The following HPSE2 variants were observed in gnomAD, a reference collection of about 807,000 sequenced individuals.
HPSE2 encodes inactive heparanase-2.
In HPSE2, 38 loss-of-function variants were observed where a neutral mutation model predicts 60.5. That is an observed-to-expected ratio of 0.63 (90% CI 0.48 to 0.82). The LOEUF (loss-of-function observed/expected upper bound fraction) is 0.82, where lower values mean the gene tolerates loss of function less well. Ranked by LOEUF, HPSE2 falls within the 40% of genes least tolerant of loss-of-function variation. The pLI, the probability that HPSE2 is intolerant of heterozygous loss-of-function variation, is 0.00. For synonymous variants in HPSE2, 295 were observed against 293.2 expected, an observed-to-expected ratio of 1.01 and a Z score of -0.06; for missense variants, 713 against 740.4, an observed-to-expected ratio of 0.96 and a Z score of 0.43.
intron 3 of HPSE2, among the ~76,000 whole-genome samples, chr10:98,954,626 A>C (rs376071266): frequency 9.9e-5 from 15 of 152,254 alleles, no homozygotes; most frequent in African/African-American, 3.4e-4. Flanking sequence ...AAGAGATGGC[A>C]AGTTGAACAC....
At chr10:98,906,057 T>C (rs541452230) in intron 3 of HPSE2, among the ~76,000 whole-genome samples, 4 of 152,284 alleles carry the variant, frequency 2.6e-5, no homozygotes, top group African/African-American at 4.8e-5. Flanking sequence ...CATCCAATGA[T>C]TGGTCAATGT....
intron 3 of HPSE2, among the ~76,000 whole-genome samples, chr10:99,133,137 C>T (rs1394736180): frequency 6.6e-6 from 1 of 152,218 alleles, no homozygotes; most frequent in African/African-American, 2.4e-5. Flanking sequence ...AAAGTTCAAA[C>T]TGGGCGGAGC....
chr10:98,564,619 C>T (rs535927), intron 9 of HPSE2, among the ~76,000 whole-genome samples: 129,349 of 152,208 alleles, frequency 0.85, 56,225 homozygotes, highest in East Asian at 1. Flanking sequence ...TTTGGCAAAT[C>T]GAGTAGTTAA....
At chr10:98,644,682 A>T (rs553955227) in intron 6 of HPSE2, among the ~76,000 whole-genome samples, 5 of 152,310 alleles carry the variant, frequency 3.3e-5, no homozygotes, top group Non-Finnish European at 7.4e-5. Context: ...ATTGACGAAA[A>T]GCTCTTCTGA....
chr10:99,199,989 G>A (rs1162329455), intron 2 of HPSE2, among the ~76,000 whole-genome samples: 2 of 152,046 alleles, frequency 1.3e-5, no homozygotes, highest in African/African-American at 4.8e-5. Context: ...CAGCATAGTA[G>A]TCTTTCACCT....
rs944887310 is a variant in HPSE2, at chr10:99,173,146, A to C, written c.449-28747T>G. Among the ~76,000 whole-genome samples the C allele has an allele frequency of 1.1e-4, 17 of 152,110 alleles. 1 individual carries two copies. The highest frequency in any genetic ancestry group is 2.5e-4 in the Non-Finnish European group (17 of 68,014). ...AATTTGTAAGTGCCCTTGTGGTTTGAGCTTTATACTGCAGGTTCTGGAGAG... is the reference window on the plus strand; with the variant it reads ...AATTTGTAAGTGCCCTTGTGGTTTGCGCTTTATACTGCAGGTTCTGGAGAG... On this transcript the variant is annotated intron_variant, in intron 2 of 11. Transcript: ENST00000370552.
At chr10:99,013,892 T>C (rs944366323) in intron 3 of HPSE2, 4 of 409,142 alleles carry the variant, frequency 9.8e-6, no homozygotes, top group Middle Eastern at 4.9e-4. Context: ...AGCCCAATAA[T>C]GATACTTTTG....
chr10:98,499,279 A>G (rs1452735531), intron 9 of HPSE2, among the ~76,000 whole-genome samples: 4 of 152,130 alleles, frequency 2.6e-5, no homozygotes, highest in South Asian at 2.1e-4. Context: ...ATAAAAGAAA[A>G]CCTGTCAGAT....
intron 9 of HPSE2, among the ~76,000 whole-genome samples, chr10:98,612,008 G>C (rs966942646): frequency 4.6e-5 from 7 of 152,164 alleles, no homozygotes; most frequent in Admixed American, 1.3e-4. Flanking sequence ...ATTTGAGGAG[G>C]ACAAAGCCAT....
chr10:98,741,976 C>T (rs1949508702), intron 4 of HPSE2, among the ~76,000 whole-genome samples: 1 of 151,896 alleles, frequency 6.6e-6, no homozygotes, highest in South Asian at 2.1e-4. Context: ...ACATAAAATA[C>T]CAAAAAATGT....
At chr10:98,589,866 C>T (rs1945040586) in intron 9 of HPSE2, among the ~76,000 whole-genome samples, 1 of 152,222 alleles carries the variant, frequency 6.6e-6, no homozygotes, top group Admixed American at 6.5e-5. Flanking sequence ...GAATCCTCAT[C>T]TTTGACTCAA....
intron 3 of HPSE2, among the ~76,000 whole-genome samples, chr10:98,906,531 A>T (rs1166508375): frequency 6.6e-6 from 1 of 152,206 alleles, no homozygotes; most frequent in East Asian, 1.9e-4. Context: ...TTTAGAGACA[A>T]ATGATAGGGT....
At position 99,169,086 on chromosome 10, in the gene HPSE2, G is replaced by C. The variant is rs553510718; in HGVS notation, c.449-24687C>G. ...TGGGCGCCTGTAGTCCCAGCTACTC[G>C]GGAGGCTGAGGTGGGAGAATGGCGT... On this transcript the variant is annotated intron_variant, in intron 2 of 11. Transcript: ENST00000370552. Among the ~76,000 whole-genome samples, 7 of 149,894 alleles carry C rather than the reference G, an allele frequency of 4.7e-5. No homozygotes were observed. The South Asian group carries it at 1.5e-3, about 32-fold the overall frequency.
At chr10:98,569,432 CTT>C (rs1408172201) in intron 9 of HPSE2, among the ~76,000 whole-genome samples, 1 of 152,100 alleles carries the variant, frequency 6.6e-6, no homozygotes, top group Non-Finnish European at 1.5e-5. Flanking sequence ...GTAAAATAAA[CTT>C]AATGATACAT....
intron 2 of HPSE2, among the ~76,000 whole-genome samples, chr10:99,189,679 T>A (rs776459692): frequency 2.0e-5 from 3 of 152,224 alleles, no homozygotes; most frequent in Non-Finnish European, 4.4e-5. Context: ...ACCAATGCCA[T>A]ACCAAGCAAG....
intron 5 of HPSE2, among the ~76,000 whole-genome samples, chr10:98,701,251 C>G (rs1401165316): frequency 8.1e-6 from 1 of 122,806 alleles, no homozygotes; most frequent in African/African-American, 2.7e-5. Flanking sequence ...AAATGTCCAA[C>G]AATGATAGAC....
intron 3 of HPSE2, among the ~76,000 whole-genome samples, chr10:98,755,671 A>G (rs1323636231): frequency 2.0e-5 from 3 of 152,192 alleles, no homozygotes; most frequent in Non-Finnish European, 4.4e-5. Context: ...ACCCTCTCAG[A>G]CCACAGTGCA....
chr10:98,993,188 G>A (rs991553922), intron 3 of HPSE2, among the ~76,000 whole-genome samples: 4 of 152,206 alleles, frequency 2.6e-5, no homozygotes, highest in African/African-American at 9.7e-5. Flanking sequence ...CTATTTGCCT[G>A]GAAATGCTGG....
chr10:98,957,399 A>T (rs1955536705), intron 3 of HPSE2, among the ~76,000 whole-genome samples: 1 of 152,112 alleles, frequency 6.6e-6, no homozygotes, highest in African/African-American at 2.4e-5. Flanking sequence ...CTTTGCATAG[A>T]CCTGCTCACT....
Sources: gnomAD v4.1 joint callset for allele counts (sites outside exome capture counted in the v4.1 genomes callset) on GRCh38, gnomAD v4.1.1 for gene constraint, MANE v1.5 for transcripts, NCBI Gene and HGNC (gene_info 2026-07-23, HGNC 2026-07-21) for gene names.